The following VEGFD variants were observed in gnomAD, a reference collection of about 807,000 sequenced individuals.
VEGFD encodes c-fos induced growth factor (vascular endothelial growth factor D).
Under a neutral mutation model 28.0 loss-of-function variants are expected in VEGFD, and 26 were observed. The observed-to-expected ratio is 0.93, with a 90% CI of 0.68 to 1.29. VEGFD has a LOEUF of 1.29. Among genes scored for constraint, VEGFD ranks in the 50% most tolerant of loss-of-function variants. The probability of loss-of-function intolerance (pLI) is 0.00; values close to 1 mark genes in which losing one functional copy is unlikely to be tolerated. For synonymous variants in VEGFD, 93 were observed against 95.5 expected, an observed-to-expected ratio of 0.97 and a Z score of 0.15; for missense variants, 294 against 273.4, an observed-to-expected ratio of 1.08 and a Z score of -0.53.
At chrX:15,362,498 C>T (rs1923038767) in intron 2 of VEGFD, among the ~76,000 whole-genome samples, 2 of 111,095 alleles carry the variant, frequency 1.8e-5, no homozygotes, top group African/African-American at 6.6e-5. Context: ...CTCACTGCAG[C>T]CTCGACCTCC....
chrX:15,352,957 C>T, intron 5 of VEGFD, 111 bp downstream of exon 5: 1 of 326,799 alleles, frequency 3.1e-6, no homozygotes, highest in East Asian at 6.1e-5. Context: ...TGAGTTAAAA[C>T]ATATACAAGA....
chrX:15,346,053 T>C lies in VEGFD; in HGVS notation c.*80A>G. ...TAAAATGGATTTTTTTTTTAACACC[T>C]GGGAAAAAAACAGTGACAGCAACTT... On this transcript the variant is annotated 3_prime_UTR_variant, in exon 7 of 7. Transcript: ENST00000297904. 2 of 1,117,239 alleles carry C rather than the reference T, an allele frequency of 1.8e-6. No homozygotes were observed. Among genetic ancestry groups the C allele is most frequent in the East Asian group, 3.0e-5 (1 of 33,048 alleles). 92.1% of individuals were successfully genotyped at this position (1,117,239 alleles called of 1,213,427 possible).
At chrX:15,382,902 A>T (rs1460016204) in intron 1 of VEGFD, among the ~76,000 whole-genome samples, 3 of 111,836 alleles carry the variant, frequency 2.7e-5, no homozygotes, top group African/African-American at 9.8e-5. Context: ...TGTATAACGT[A>T]TTTTAAACTA....
chrX:15,361,954 C>T (rs767052175), intron 2 of VEGFD, among the ~76,000 whole-genome samples: 5 of 111,362 alleles, frequency 4.5e-5, no homozygotes, highest in African/African-American at 1.3e-4. Context: ...CTGCAACCTC[C>T]GCCTCCTGGG....
chrX:15,346,307 T>C (rs1372300866), intron 6 of VEGFD, 48 bp from the exon 7 acceptor site: 11 of 1,164,694 alleles, frequency 9.4e-6, no homozygotes, highest in African/African-American at 1.8e-5. Flanking sequence ...AATGACTGGA[T>C]TCAAAAGAAT....
chrX:15,364,425 T>C (rs911996796), intron 1 of VEGFD, among the ~76,000 whole-genome samples: 4 of 111,965 alleles, frequency 3.6e-5, no homozygotes, highest in East Asian at 2.8e-4. Context: ...TTTCAGTATG[T>C]AGCCTCTTGT....
intron 1 of VEGFD, among the ~76,000 whole-genome samples, chrX:15,379,924 T>C (rs1484122066): frequency 8.9e-6 from 1 of 112,237 alleles, no homozygotes; most frequent in Non-Finnish European, 1.9e-5. Flanking sequence ...AAGGAAGTAC[T>C]ATATTGAAGA....
intron 1 of VEGFD, among the ~76,000 whole-genome samples, chrX:15,367,098 A>C (rs896580912): frequency 8.9e-6 from 1 of 111,906 alleles, no homozygotes; most frequent in African/African-American, 3.3e-5. Flanking sequence ...CAGGAGAGCT[A>C]AGGCAGGACC....
chrX:15,379,828 C>T (rs1208596982), intron 1 of VEGFD, among the ~76,000 whole-genome samples: 1 of 112,074 alleles, frequency 8.9e-6, no homozygotes, highest in African/African-American at 3.2e-5. Context: ...ACTATATTCT[C>T]ATTCCAGAAA....
Position 15,347,218 on chromosome X carries a change from T to G in VEGFD, c.884A>C (p.Glu295Ala). 8.3e-7 allele frequency: 1 copy of G among 1,211,835 alleles called. No homozygotes were observed. Among genetic ancestry groups the G allele is most frequent in the Non-Finnish European group, 1.1e-6 (1 of 895,448 alleles). ...CTTCTGGCAGCAGGTCTCCAGACTT[T>G]CTTTGCACTCAAAGCAACTGCAGTT... ...PKNCSCFECK[E>A]SLETCCQKHK... The change falls in exon 6 of 7, where the codon GAA becomes GCA. Residue 295 changes from glutamate (E) to alanine (A), a missense_variant. Glu to Ala is a moderately radical substitution (Grantham distance 107, BLOSUM62 -1). Transcript: ENST00000297904.
intron 4 of VEGFD, 99 bp from the exon 5 acceptor site, chrX:15,353,267 T>C: frequency 7.9e-6 from 3 of 381,682 alleles, no homozygotes; most frequent in Non-Finnish European, 1.3e-5. Context: ...AGTTAAGATT[T>C]TTTAAATTTA....
intron 1 of VEGFD, among the ~76,000 whole-genome samples, chrX:15,375,242 A>T (rs947051314): frequency 5.3e-5 from 6 of 112,318 alleles, no homozygotes; most frequent in Non-Finnish European, 7.5e-5. Flanking sequence ...TGGTTCTAGG[A>T]GGTATTTTCA....
chrX:15,362,049 G>T (rs1395017632), intron 2 of VEGFD, among the ~76,000 whole-genome samples: 1 of 110,506 alleles, frequency 9.0e-6, no homozygotes, highest in East Asian at 2.9e-4. Flanking sequence ...TGTATTTTTA[G>T]TAGAGATGGG....
intron 2 of VEGFD, among the ~76,000 whole-genome samples, chrX:15,359,268 T>C (rs996691901): frequency 4.5e-5 from 5 of 109,952 alleles, no homozygotes; most frequent in Middle Eastern, 4.6e-3. Flanking sequence ...ATTGCAGTCT[T>C]GTTTCTACTT....
At chrX:15,349,306 A>G (rs1406928508) in intron 5 of VEGFD, among the ~76,000 whole-genome samples, 3 of 112,827 alleles carry the variant, frequency 2.7e-5, no homozygotes, top group Admixed American at 1.9e-4. Context: ...CACAATCCAC[A>G]AGGTGTTTGC....
At chrX:15,349,340 A>T (rs1157221559) in intron 5 of VEGFD, among the ~76,000 whole-genome samples, 1 of 112,546 alleles carries the variant, frequency 8.9e-6, no homozygotes, top group African/African-American at 3.2e-5. Flanking sequence ...GCTGTTTGGC[A>T]GAGTCTGTGC....
chrX:15,381,892 C>CATATTA (rs1923582699), intron 1 of VEGFD, among the ~76,000 whole-genome samples: 5 of 113,896 alleles, frequency 4.4e-5, no homozygotes, highest in South Asian at 3.4e-4. Context: ...AATTGCTAAT[C>CATATTA]GTATTAGTAA....
intron 4 of VEGFD, 126 bp from the exon 5 acceptor site, chrX:15,353,294 C>T (rs1922777357): frequency 1.0e-5 from 3 of 287,093 alleles, no homozygotes; most frequent in Non-Finnish European, 1.9e-5. Context: ...GCTTTTTATA[C>T]TCAGTTTGGA....
At chrX:15,362,579 G>A (rs1923042469) in intron 2 of VEGFD, among the ~76,000 whole-genome samples, 1 of 110,582 alleles carries the variant, frequency 9.0e-6, no homozygotes, top group Non-Finnish European at 1.9e-5. Context: ...ACAATGTTCA[G>A]CTATTTTTTT....
Sources: allele counts gnomAD v4.1 joint callset (sites outside exome capture counted in the v4.1 genomes callset), GRCh38; gene constraint gnomAD v4.1.1; transcripts MANE v1.5; gene names NCBI Gene and HGNC (gene_info 2026-07-23, HGNC 2026-07-21).